The following SLC37A3 variants were observed in gnomAD, a reference collection of about 807,000 sequenced individuals.
The protein encoded by SLC37A3 is solute carrier family 37 member 3, also known as sugar phosphate exchanger 3.
SLC37A3 carries 51 observed loss-of-function variants against 67.1 expected under a neutral mutation model. The ratio of observed to expected loss-of-function variants is 0.76; its 90% CI spans 0.61 to 0.96. SLC37A3 has a LOEUF of 0.96. SLC37A3 is among the 40% of genes least tolerant of loss of function. The probability of loss-of-function intolerance (pLI) is 0.00; values close to 1 mark genes in which losing one functional copy is unlikely to be tolerated. For synonymous variants in SLC37A3, 214 were observed against 231.4 expected, an observed-to-expected ratio of 0.92 and a Z score of 0.68; for missense variants, 508 against 603.0, an observed-to-expected ratio of 0.84 and a Z score of 1.65.
Position 140,354,740 on chromosome 7 carries a change from GTTT to G in SLC37A3, c.618+925_618+927del, listed in dbSNP as rs757344637. Among the ~76,000 whole-genome samples the G allele has an allele frequency of 1.4e-4, 17 of 124,364 alleles. 1 individual carries two copies. The highest frequency in any genetic ancestry group is 5.1e-4 in the South Asian group (2 of 3,908). 81.6% of individuals were successfully genotyped at this position (124,364 alleles called of 152,430 possible). On this transcript the variant is annotated intron_variant, in intron 7 of 14. Transcript: ENST00000326232. Reference sequence around the variant, plus strand: ...GGGGGATTAGTCTTTGCTTTTTGGTGTTTTTTTTTTTTTTTTTTGAGACAGGGT... The same window carrying G: ...GGGGGATTAGTCTTTGCTTTTTGGTGTTTTTTTTTTTTTTTGAGACAGGGT...
chr7:140,356,853 C>A (rs1033406863), intron 6 of SLC37A3, among the ~76,000 whole-genome samples: 2 of 152,074 alleles, frequency 1.3e-5, no homozygotes, highest in African/African-American at 2.4e-5. Flanking sequence ...CAATAAGAAC[C>A]CTTATGCTCT....
chr7:140,380,222 C>T, intron 3 of SLC37A3, 60 bp downstream of exon 3: 1 of 994,374 alleles, frequency 1.0e-6, no homozygotes, highest in Non-Finnish European at 1.5e-6. Flanking sequence ...AGCTTAAGAA[C>T]AATCTAGGGG....
In SLC37A3 at chr7:140,375,731, T is replaced by A. The variant is rs73735218; in HGVS notation, c.198+4551A>T. Among the ~76,000 whole-genome samples, 1,111 of 152,258 alleles carry A rather than the reference T, an allele frequency of 7.3e-3. 9 individuals are homozygous for A. The highest frequency in any genetic ancestry group is 0.024 in the African/African-American group (985 of 41,522). On this transcript the variant is annotated intron_variant, in intron 3 of 14. Coordinates refer to ENST00000326232, the MANE Select transcript of SLC37A3 (RefSeq NM_207113.3). The stretch of plus-strand genomic sequence containing the variant: ...TCATAAACAAATAATAAAGTGTGAT[T>A]CCAAAGCACCGGAACTAATTTCTAA...
Position 140,333,911 on chromosome 7 carries a change from AT to A in SLC37A3, c.*1500del, listed in dbSNP as rs2116983210. 6.5e-6 allele frequency: 1 copy of A among 152,796 alleles called. No individual in the cohort carries two copies. Among genetic ancestry groups the A allele is most frequent in the Admixed American group, 6.5e-5 (1 of 15,302 alleles). The allele number at this position is 152,796 out of a possible 1,614,324, so 9.5% of individuals were successfully genotyped here. On this transcript the variant is annotated 3_prime_UTR_variant, in exon 15 of 15. Transcript: ENST00000326232. The stretch of plus-strand genomic sequence containing the variant: ...AGAGTATAAAGCAAGAGGTTGAAAA[AT>A]ATCCCCTAACCGAATGCAAATTAGG...
At chr7:140,342,074 G>A (rs369791206) in intron 13 of SLC37A3, among the ~76,000 whole-genome samples, 2 of 152,152 alleles carry the variant, frequency 1.3e-5, no homozygotes, top group Non-Finnish European at 2.9e-5. Context: ...CACTGTTCTA[G>A]GTACTAAGGT....
intron 3 of SLC37A3, among the ~76,000 whole-genome samples, chr7:140,371,802 T>C (rs930183303): frequency 9.9e-5 from 15 of 151,492 alleles, no homozygotes; most frequent in Admixed American, 4.0e-4. Context: ...AAAATTATCC[T>C]CAACTTTATC....
intron 14 of SLC37A3, among the ~76,000 whole-genome samples, chr7:140,336,408 A>G (rs1372508589): frequency 5.3e-5 from 8 of 152,254 alleles, no homozygotes; most frequent in African/African-American, 1.9e-4. Flanking sequence ...CCTGGGTGAC[A>G]GAATGAGACC....
chr7:140,362,460 T>G (rs1432765475), intron 5 of SLC37A3, among the ~76,000 whole-genome samples: 2 of 81,660 alleles, frequency 2.4e-5, no homozygotes, highest in East Asian at 4.0e-4. Context: ...CCGCCCCGTC[T>G]GGGAGGTGAG....
intron 1 of SLC37A3, among the ~76,000 whole-genome samples, chr7:140,390,807 T>C (rs1382146251): frequency 6.6e-6 from 1 of 152,170 alleles, no homozygotes; most frequent in Non-Finnish European, 1.5e-5. Flanking sequence ...TACCTGAATA[T>C]ACCACACCTC....
intron 3 of SLC37A3, among the ~76,000 whole-genome samples, chr7:140,376,167 C>G (rs1227337079): frequency 6.6e-6 from 1 of 152,182 alleles, no homozygotes; most frequent in Admixed American, 6.5e-5. Context: ...TGCCAGAATT[C>G]AGTTGAAATA....
chr7:140,334,990 T>C lies in SLC37A3; in HGVS notation c.*422A>G. Reference sequence around the variant, plus strand: ...TCATTACCAAAGCAAAATGCAATGATCTCTTCCATTTGTGGAACATACCAC... The same window carrying C: ...TCATTACCAAAGCAAAATGCAATGACCTCTTCCATTTGTGGAACATACCAC... On this transcript the variant is annotated 3_prime_UTR_variant, in exon 15 of 15. Transcript: ENST00000326232. 1 of 445,890 alleles carries C rather than the reference T, an allele frequency of 2.2e-6. No individual in the cohort carries two copies. Among genetic ancestry groups the C allele is most frequent in the Non-Finnish European group, 4.1e-6 (1 of 241,906 alleles). The allele number at this position is 445,890 out of a possible 1,614,324, so 27.6% of individuals were successfully genotyped here. A position where few individuals can be genotyped will look rare whatever the true frequency, so the allele number is the denominator to read the frequency against.
chr7:140,358,839 T>G, intron 5 of SLC37A3, 54 bp from the exon 6 acceptor site: 1 of 1,605,422 alleles, frequency 6.2e-7, no homozygotes, highest in Non-Finnish European at 8.5e-7. Context: ...ACACTTTCAG[T>G]GGACGCCACT....
At chr7:140,398,264 AG>A (rs1314687558) in intron 1 of SLC37A3, among the ~76,000 whole-genome samples, 151 bp downstream of exon 1, 4 of 151,972 alleles carry the variant, frequency 2.6e-5, no homozygotes, top group Non-Finnish European at 5.9e-5. Flanking sequence ...GAGGAGAAGG[AG>A]GGGGCGAGCG....
intron 14 of SLC37A3, 50 bp from the exon 15 acceptor site, chr7:140,335,554 A>AT (rs752890088): frequency 6.3e-7 from 1 of 1,591,266 alleles, no homozygotes; most frequent in Admixed American, 1.7e-5. Flanking sequence ...TACTTCTGTT[A>AT]GAGTGTCATG....
chr7:140,348,442 T>TTTTTC (rs202056956), intron 10 of SLC37A3, 184 bp downstream of exon 10: 2 of 569,204 alleles, frequency 3.5e-6, no homozygotes, highest in Non-Finnish European at 2.6e-6. Flanking sequence ...GACCTCTTGT[T>TTTTTC]TTTTCTTTTC....
In SLC37A3 at chr7:140,388,684, G is replaced by A. The variant is rs543098904; in HGVS notation, c.-70-6088C>T. ...AAATTAGTTGGGCGTGGTAGCGGGCGCTTGTAATCCCAGCTACTCAGGAGG... is the reference window on the plus strand; with the variant it reads ...AAATTAGTTGGGCGTGGTAGCGGGCACTTGTAATCCCAGCTACTCAGGAGG... On this transcript the variant is annotated intron_variant, in intron 1 of 14. Coordinates refer to ENST00000326232, the MANE Select transcript of SLC37A3 (RefSeq NM_207113.3). Among the ~76,000 whole-genome samples the A allele has an allele frequency of 7.9e-5, 12 of 151,992 alleles. No homozygotes were observed. In the South Asian group the frequency reaches 1.0e-3, roughly 13 times the overall value.
chr7:140,351,396 T>C lies in SLC37A3; in HGVS notation c.759A>G (p.Leu253=). 6.2e-7 allele frequency: 1 copy of C among 1,614,212 alleles called. No homozygotes were observed. Among genetic ancestry groups the C allele is most frequent in the Non-Finnish European group, 8.5e-7 (1 of 1,180,036 alleles). Residue 253 remains leucine (L), a synonymous_variant, in exon 9 of 15, where the codon TTA becomes TTG. Coordinates refer to ENST00000326232, the MANE Select transcript of SLC37A3 (RefSeq NM_207113.3). ...CGTCTTCATTTTCACCACCATTAATTAATGGCCTGTGTGAGTCTTCTTCAA... is the reference window on the plus strand; with the variant it reads ...CGTCTTCATTTTCACCACCATTAATCAATGGCCTGTGTGAGTCTTCTTCAA... ...ENFEEDSHRP[L]INGGENEDEY...
At chr7:140,395,711 A>C (rs1312769383) in intron 1 of SLC37A3, among the ~76,000 whole-genome samples, 1 of 151,840 alleles carries the variant, frequency 6.6e-6, no homozygotes, top group Non-Finnish European at 1.5e-5. Flanking sequence ...CTGTCTCAAA[A>C]AATAAATAAA....
intron 3 of SLC37A3, among the ~76,000 whole-genome samples, chr7:140,371,311 T>C (rs950104720): frequency 6.6e-6 from 1 of 152,094 alleles, no homozygotes; most frequent in Non-Finnish European, 1.5e-5. Flanking sequence ...TCAGCTGGGA[T>C]TACAGGCACG....
Sources: gnomAD v4.1 joint callset for allele counts (sites outside exome capture counted in the v4.1 genomes callset) on GRCh38, gnomAD v4.1.1 for gene constraint, MANE v1.5 for transcripts, NCBI Gene and HGNC (gene_info 2026-07-23, HGNC 2026-07-21) for gene names.